ERC2: variants seen among roughly 807,000 people sequenced by gnomAD.
ERC2 encodes the protein ELKS/RAB6-interacting/CAST family member 2.
Under a neutral mutation model 114.8 loss-of-function variants are expected in ERC2, and 42 were observed. The observed-to-expected ratio is 0.37, with a 90% CI of 0.29 to 0.47. The LOEUF (loss-of-function observed/expected upper bound fraction) is 0.47, where lower values mean the gene tolerates loss of function less well. Among genes scored for constraint, ERC2 ranks in the 20% least tolerant of loss-of-function variants. ERC2 has a pLI of 0.99. For missense variants in ERC2, 939 were observed against 1,150.7 expected, an observed-to-expected ratio of 0.82 and a Z score of 2.66; for synonymous variants, 454 against 425.5, an observed-to-expected ratio of 1.07 and a Z score of -0.82.
At chr3:55,798,363 C>T (rs934949623) in intron 14 of ERC2, among the ~76,000 whole-genome samples, 1 of 152,050 alleles carries the variant, frequency 6.6e-6, no homozygotes, top group Non-Finnish European at 1.5e-5. Context: ...CTTTCGGAGG[C>T]CGAGGCGGGC....
chr3:55,721,345 G>A (rs2064535743), intron 15 of ERC2, among the ~76,000 whole-genome samples: 1 of 152,254 alleles, frequency 6.6e-6, no homozygotes, highest in African/African-American at 2.4e-5. Flanking sequence ...TGTTAGCTGT[G>A]TTAATGTTCT....
intron 12 of ERC2, among the ~76,000 whole-genome samples, chr3:55,972,167 A>G (rs1360652859): frequency 6.6e-6 from 1 of 152,196 alleles, no homozygotes; most frequent in East Asian, 1.9e-4. Context: ...CACAAAAACA[A>G]AGAAGTTATC....
chr3:55,818,181 T>G (rs944601758), intron 14 of ERC2, among the ~76,000 whole-genome samples: 2 of 152,168 alleles, frequency 1.3e-5, no homozygotes, highest in Admixed American at 1.3e-4. Context: ...TTTCAATACA[T>G]TATGGTGACA....
chr3:55,720,208 CTTCTTCTTCTTCTTCTTCTTCTTCTTCT>C lies in ERC2; in HGVS notation c.2712+14535_2712+14562del, dbSNP rs1559547476. ...TCTTCTTCTTCTTCTTCTTCTTCTT[CTTCTTCTTCTTCTTCTTCTTCTTCTTCT>C]TCTTCTCTCTCTCTCTCTCTCTCTC... On this transcript the variant is annotated intron_variant, in intron 15 of 17. Transcript: ENST00000288221. 1.6e-3 allele frequency among the ~76,000 whole-genome samples: 30 copies of C among 18,958 alleles called. 9 individuals are homozygous for C. Among genetic ancestry groups the C allele is most frequent in the Non-Finnish European group, 2.0e-3 (23 of 11,594 alleles). The allele number at this position is 18,958 out of a possible 152,430, so 12.4% of individuals were successfully genotyped here.
rs2052026397 is a variant in ERC2, at chr3:55,510,921, C to G, written c.*395G>C. 1 of 152,162 alleles carries G rather than the reference C, an allele frequency of 6.6e-6. No homozygotes were observed. The highest frequency in any genetic ancestry group is 6.5e-5 in the Admixed American group (1 of 15,276). The allele number at this position is 152,162 out of a possible 1,614,324, so 9.4% of individuals were successfully genotyped here. On this transcript the variant is annotated 3_prime_UTR_variant, in exon 18 of 18. Coordinates refer to ENST00000288221, the MANE Select transcript of ERC2 (RefSeq NM_015576.3). ...TCCACAGATAAAATCCCATGGAGTTCAAATTTATCCAATGATGTTTAAGTA... is the reference window on the plus strand; with the variant it reads ...TCCACAGATAAAATCCCATGGAGTTGAAATTTATCCAATGATGTTTAAGTA...
intron 12 of ERC2, among the ~76,000 whole-genome samples, chr3:55,954,046 C>A (rs1274923325): frequency 1.6e-5 from 2 of 124,388 alleles, no homozygotes; most frequent in African/African-American, 6.3e-5. Context: ...ATCCACTTGG[C>A]AAGGCTCTGC....
At chr3:55,750,962 ATAGT>A (rs68162508) in intron 14 of ERC2, among the ~76,000 whole-genome samples, 5,291 of 152,316 alleles carry the variant, frequency 0.035, 219 homozygotes, top group East Asian at 0.23. Context: ...GATGATGATA[ATAGT>A]TAACACTTGA....
chr3:55,891,437 A>ATTTTT (rs869073962), intron 13 of ERC2, among the ~76,000 whole-genome samples: 5 of 86,960 alleles, frequency 5.7e-5, no homozygotes, highest in Admixed American at 1.2e-4. Context: ...GTCTGGTTCT[A>ATTTTT]TTTTTTTTTT....
At chr3:56,118,764 G>A (rs537784384) in intron 6 of ERC2, among the ~76,000 whole-genome samples, 3 of 151,514 alleles carry the variant, frequency 2.0e-5, no homozygotes, top group Non-Finnish European at 4.4e-5. Context: ...AGCCTCCCGA[G>A]TAGCTGGGAC....
intron 2 of ERC2, among the ~76,000 whole-genome samples, chr3:56,348,407 C>G (rs1230027723): frequency 2.0e-5 from 3 of 151,786 alleles, no homozygotes; most frequent in Non-Finnish European, 4.4e-5. Flanking sequence ...GGTGGTGGGG[C>G]CAGTGGGGAC....
chr3:55,963,592 C>T (rs558476783), intron 12 of ERC2, among the ~76,000 whole-genome samples: 1 of 152,264 alleles, frequency 6.6e-6, no homozygotes, highest in South Asian at 2.1e-4. Flanking sequence ...ACATTATTTA[C>T]CTCTTTTCAA....
chr3:55,940,405 G>A lies in ERC2; in HGVS notation c.2403+10020C>T, dbSNP rs145789297. On this transcript the variant is annotated intron_variant, in intron 13 of 17. Coordinates refer to ENST00000288221, the MANE Select transcript of ERC2 (RefSeq NM_015576.3). Reference sequence around the variant, plus strand: ...CCCACTCAGAAGCTCAGGGCCCCACGGATGACCTGAGGTCCAAAAGGCCTT... The same window carrying A: ...CCCACTCAGAAGCTCAGGGCCCCACAGATGACCTGAGGTCCAAAAGGCCTT... 1.8e-3 allele frequency among the ~76,000 whole-genome samples: 273 copies of A among 152,086 alleles called. 4 individuals carry two copies. The highest frequency in any genetic ancestry group is 5.9e-3 in the African/African-American group (245 of 41,500).
intron 14 of ERC2, among the ~76,000 whole-genome samples, chr3:55,849,419 A>G (rs559522479): frequency 1.2e-3 from 177 of 152,220 alleles, no homozygotes; most frequent in African/African-American, 3.8e-3. Flanking sequence ...TGGTTTCTCT[A>G]AGCTTCTATC....
At chr3:56,440,666 GT>G (rs1463508854) in intron 1 of ERC2, among the ~76,000 whole-genome samples, 2 of 152,124 alleles carry the variant, frequency 1.3e-5, no homozygotes, top group Admixed American at 6.5e-5. Context: ...AAACTAGCCA[GT>G]ATGTATTATG....
intron 14 of ERC2, among the ~76,000 whole-genome samples, chr3:55,743,192 T>C (rs2066076724): frequency 6.6e-6 from 1 of 152,212 alleles, no homozygotes; most frequent in Admixed American, 6.5e-5. Flanking sequence ...GGAAGTTCTT[T>C]ACTCTAAGCA....
At chr3:56,275,158 C>A (rs1236438440) in intron 3 of ERC2, among the ~76,000 whole-genome samples, 1 of 152,214 alleles carries the variant, frequency 6.6e-6, no homozygotes, top group Non-Finnish European at 1.5e-5. Flanking sequence ...GCCAGACTAC[C>A]ATGAGAGTCA....
intron 17 of ERC2, among the ~76,000 whole-genome samples, chr3:55,566,825 A>T (rs2056406007): frequency 6.6e-6 from 1 of 151,998 alleles, no homozygotes; most frequent in South Asian, 2.1e-4. Flanking sequence ...TAGCCTCCTG[A>T]GCAGTTAGGA....
chr3:55,781,452 T>C (rs928638790), intron 14 of ERC2, among the ~76,000 whole-genome samples: 1 of 152,136 alleles, frequency 6.6e-6, no homozygotes, highest in Non-Finnish European at 1.5e-5. Flanking sequence ...ATTTGTCTTC[T>C]GAATTTTCAA....
chr3:56,065,525 A>T (rs78926871), intron 7 of ERC2, among the ~76,000 whole-genome samples: 3,589 of 145,044 alleles, frequency 0.025, 137 homozygotes, highest in African/African-American at 0.083. Context: ...TTTCTTTTTT[A>T]AAAAAAAAAA....
Sources: gnomAD v4.1 joint callset for allele counts (sites outside exome capture counted in the v4.1 genomes callset) on GRCh38, gnomAD v4.1.1 for gene constraint, MANE v1.5 for transcripts, NCBI Gene and HGNC (gene_info 2026-07-23, HGNC 2026-07-21) for gene names.